Variants in KIFBP observed in about 807,000 individuals in gnomAD.
The protein encoded by KIFBP is kinesin family binding protein, also known as KIF-binding protein.
In KIFBP, 46 loss-of-function variants were observed where a neutral mutation model predicts 58.9. The ratio of observed to expected loss-of-function variants is 0.78; its 90% confidence interval spans 0.62 to 1.00. The LOEUF (loss-of-function observed/expected upper bound fraction) is 1.00. Among genes scored for constraint, KIFBP ranks in the 50% least tolerant of loss-of-function variants. The probability of loss-of-function intolerance (pLI) is 0.00; values close to 1 mark genes in which losing one functional copy is unlikely to be tolerated. For synonymous variants in KIFBP, 241 were observed against 283.4 expected (o/e 0.85, Z 1.50); for missense variants, 651 against 752.9 (o/e 0.86, Z 1.58).
chr10:69,000,627 T>G, intron 2 of KIFBP, 105 bp downstream of exon 2: 1 of 811,090 alleles, frequency 1.2e-6, no homozygotes, highest in Non-Finnish European at 2.1e-6. Flanking sequence ...CACTGTGCCC[T>G]AGAACTTCTC....
chr10:69,008,478 A>G (rs1843560481), intron 4 of KIFBP, among the ~76,000 whole-genome samples: 1 of 146,656 alleles, frequency 6.8e-6, no homozygotes. Context: ...GATTTTGGCT[A>G]CTTAGACTGA....
chr10:69,008,391 A>AAAAAAAAAAAAAAATATATATATAT, intron 4 of KIFBP, among the ~76,000 whole-genome samples: 3 of 71,588 alleles, frequency 4.2e-5, no homozygotes, highest in African/African-American at 2.3e-4. Context: ...AAAAAAAAAA[A>AAAAAAAAAAAAAAATATATATATAT]ATATATATAT....
chr10:69,010,452 T>G (rs956903512), intron 5 of KIFBP, among the ~76,000 whole-genome samples: 2 of 152,220 alleles, frequency 1.3e-5, no homozygotes, highest in African/African-American at 4.8e-5. Flanking sequence ...AAAGCTGCTC[T>G]GCTATGTATG....
At chr10:68,999,763 T>A (rs1236711269) in intron 1 of KIFBP, 1 of 153,648 alleles carries the variant, frequency 6.5e-6, no homozygotes, top group Non-Finnish European at 1.4e-5. Flanking sequence ...AGCAGGCAAT[T>A]GACCGGGCGC....
At chr10:69,012,564 G>T (rs577744336) in intron 6 of KIFBP, among the ~76,000 whole-genome samples, 42 of 150,900 alleles carry the variant, frequency 2.8e-4, no homozygotes, top group Non-Finnish European at 5.5e-4. Flanking sequence ...ATAATCTTTA[G>T]TGGTTGTATT....
At chr10:69,014,487 T>TA (rs1292891681) in intron 6 of KIFBP, among the ~76,000 whole-genome samples, 3 of 152,180 alleles carry the variant, frequency 2.0e-5, no homozygotes, top group African/African-American at 7.2e-5. Context: ...GAGTGTGATA[T>TA]AAGCTAAAGT....
intron 1 of KIFBP, among the ~76,000 whole-genome samples, chr10:68,999,403 C>CT (rs553746500): frequency 0.023 from 3,448 of 147,810 alleles, 132 homozygotes; most frequent in African/African-American, 0.08. Flanking sequence ...TGGCCTATTT[C>CT]TTTTTTTTTT....
chr10:68,998,746 C>A (rs375351516), intron 1 of KIFBP, among the ~76,000 whole-genome samples: 5 of 104,164 alleles, frequency 4.8e-5, no homozygotes, highest in African/African-American at 1.8e-4. Flanking sequence ...TACATACATA[C>A]ATACATATAT....
At chr10:68,991,432 G>A (rs1843345690) in intron 1 of KIFBP, 1 of 366,254 alleles carries the variant, frequency 2.7e-6, no homozygotes, top group South Asian at 2.5e-5. Flanking sequence ...AAAAAAGATT[G>A]CAATTATCTG....
intron 2 of KIFBP, among the ~76,000 whole-genome samples, chr10:69,004,720 C>T (rs527709536): frequency 2.0e-5 from 3 of 152,042 alleles, no homozygotes; most frequent in Non-Finnish European, 4.4e-5. Flanking sequence ...AAAAATTAGC[C>T]AGGACTGGTG....
chr10:68,994,254 A>G (rs952979839), intron 1 of KIFBP, among the ~76,000 whole-genome samples: 2 of 152,170 alleles, frequency 1.3e-5, no homozygotes, highest in African/African-American at 4.8e-5. Context: ...ACACACACAT[A>G]CTTACATTAT....
At chr10:69,012,991 T>C (rs1017400306) in intron 6 of KIFBP, among the ~76,000 whole-genome samples, 1 of 151,942 alleles carries the variant, frequency 6.6e-6, no homozygotes, top group East Asian at 1.9e-4. Flanking sequence ...CTTAGAATCA[T>C]GGCGGAAGGC....
At chr10:69,011,623 A>G (rs1347034888) in intron 6 of KIFBP, among the ~76,000 whole-genome samples, 1 of 138,846 alleles carries the variant, frequency 7.2e-6, no homozygotes. Context: ...GGCTCAAGTG[A>G]TCTTCCTGCC....
At chr10:68,989,509 A>C in intron 1 of KIFBP, 2 of 575,830 alleles carry the variant, frequency 3.5e-6, no homozygotes, top group Middle Eastern at 4.6e-4. Flanking sequence ...CCACACCAAT[A>C]TCGCTTGCTG....
At chr10:69,008,739 C>G (rs1589297204) in intron 4 of KIFBP, 102 bp from the exon 5 acceptor site, 1 of 911,702 alleles carries the variant, frequency 1.1e-6, no homozygotes, top group East Asian at 2.4e-5. Flanking sequence ...GTATTTTTAT[C>G]TGATTTTATA....
chr10:69,009,048 T>C (rs2491016), intron 5 of KIFBP, 123 bp downstream of exon 5: 1 of 724,564 alleles, frequency 1.4e-6, no homozygotes, highest in Non-Finnish European at 2.4e-6. Context: ...ATGCACCAAT[T>C]TTTAGTATTT....
rs777015827 is a variant in KIFBP, at chr10:68,988,876, C to T, written c.44C>T (p.Ala15Val). 1.3e-5 allele frequency: 21 copies of T among 1,614,126 alleles called. No individual in the cohort carries two copies. The highest frequency in any genetic ancestry group is 5.5e-5 in the South Asian group (5 of 91,094). Residue 15 changes from alanine (A) to valine (V), a missense_variant, in exon 1 of 7, where the codon GCG becomes GTG. Physicochemically the swap from Ala to Val is moderately conservative, Grantham distance 64 (BLOSUM62 0). Coordinates refer to ENST00000361983, the MANE Select transcript of KIFBP (RefSeq NM_015634.4). ...GCAGAGGTCTGCGAGAAATTCCAGG[C>T]GGCGCTCGCTCTGTCGCGGGTGGAA... ...PWAEVCEKFQ[A>V]ALALSRVELH...
Position 69,016,322 on chromosome 10 carries a change from A to G in KIFBP, c.1772A>G (p.Gln591Arg), listed in dbSNP as rs1458281300. The G allele has an allele frequency of 1.2e-6, 2 of 1,609,960 alleles. No homozygotes were observed. The highest frequency in any genetic ancestry group is 1.7e-6 in the Non-Finnish European group (2 of 1,178,424). The change falls in exon 7 of 7, where the codon CAG becomes CGG. Residue 591 changes from glutamine (Q) to arginine (R), a missense_variant. Transcript: ENST00000361983. ...TGTGAAAAGCATCCTGAGGCCGCCCAGGAAATAGAAGTTGAGCTAGAACTT... is the reference window on the plus strand; with the variant it reads ...TGTGAAAAGCATCCTGAGGCCGCCCGGGAAATAGAAGTTGAGCTAGAACTT... ...DYCEKHPEAA[Q>R]EIEVELELSK...
intron 1 of KIFBP, among the ~76,000 whole-genome samples, chr10:68,999,126 C>G (rs530059969): frequency 6.6e-6 from 1 of 150,432 alleles, no homozygotes; most frequent in Non-Finnish European, 1.5e-5. Flanking sequence ...GAGACAGAGT[C>G]TTGCTCCATC....
Sources: allele counts gnomAD v4.1 joint callset (sites outside exome capture counted in the v4.1 genomes callset), GRCh38; gene constraint gnomAD v4.1.1; transcripts MANE v1.5; gene names NCBI Gene and HGNC (gene_info 2026-07-23, HGNC 2026-07-21).